SYDE1: variants seen among roughly 807,000 people sequenced by gnomAD.
The protein encoded by SYDE1 is rho GTPase-activating protein SYDE1.
A neutral mutation model predicts 63.3 loss-of-function variants in SYDE1; 34 were observed. That is an observed-to-expected ratio of 0.54 (90% CI 0.41 to 0.71). The LOEUF is 0.71. Among genes scored for constraint, SYDE1 ranks in the 30% least tolerant of loss-of-function variants. SYDE1 has a pLI of 0.00. For synonymous variants in SYDE1, 467 were observed against 473.4 expected (o/e 0.99, Z 0.18); for missense variants, 925 against 1,042.5 (o/e 0.89, Z 1.55).
intron 7 of SYDE1, among the ~76,000 whole-genome samples, 172 bp downstream of exon 7, chr19:15,112,743 C>T (rs2046353525): frequency 6.6e-6 from 1 of 152,140 alleles, no homozygotes; most frequent in African/African-American, 2.4e-5. Flanking sequence ...TCTGTTTTGT[C>T]TTTTTTTATT....
At position 15,111,344 on chromosome 19, in the gene SYDE1, C is replaced by T. The variant is rs780572269; in HGVS notation, c.1322C>T (p.Ala441Val). 1.7e-5 allele frequency: 27 copies of T among 1,613,996 alleles called. No homozygotes were observed. Among genetic ancestry groups the T allele is most frequent in the East Asian group, 6.7e-5 (3 of 44,888 alleles). Residue 441 changes from alanine to valine, a missense_variant, in exon 5 of 8, where the codon GCG (alanine) becomes GTG (valine). By Grantham distance (64) the Ala-to-Val change is moderately conservative. This residue lies in a region of SYDE1 where 599 missense variants were observed against 653.7 expected (regional missense o/e 0.92). Transcript: ENST00000342784. This position sits in a 1 kb window ranked among gnomAD's most constrained non-coding sequence, Gnocchi z 5.5. ...VVGLYRLCGS[A>V]AVKKELRDAF... is the part of the protein sequence containing the mutation. Reference sequence around the variant, plus strand: ...GGACTGTACCGTCTTTGTGGCTCAGCGGCAGTGAAGAAAGAGCTTCGGGAT... The same window carrying T: ...GGACTGTACCGTCTTTGTGGCTCAGTGGCAGTGAAGAAAGAGCTTCGGGAT...
chr19:15,110,436 G>A lies in SYDE1; in HGVS notation c.1076-85G>A, dbSNP rs1030111533. 2.1e-5 allele frequency: 31 copies of A among 1,482,566 alleles called. No individual in the cohort carries two copies. The highest frequency in any genetic ancestry group is 2.8e-5 in the African/African-American group (2 of 72,180). 91.8% of individuals were successfully genotyped at this position (1,482,566 alleles called of 1,614,324 possible). ...CAGAGTGCCTAGGGGGCTGGGCTCC[G>A]GGCGGAAGGTGTGGCCTGGAGCAGC... On this transcript the variant is annotated intron_variant, in intron 3 of 7. Coordinates refer to ENST00000342784, the MANE Select transcript of SYDE1 (RefSeq NM_033025.6). This position sits in a 1 kb window ranked among gnomAD's most constrained non-coding sequence, Gnocchi z 6.9.
chr19:15,107,451 C>T lies in SYDE1; in HGVS notation c.18C>T (p.Leu6=). Residue 6 remains leucine (L), a synonymous_variant, in exon 1 of 8, where the codon CTC becomes CTT. Transcript: ENST00000342784. MAEPL[L]RKTFSRLRGR... ...GCCGCAGCATGGCCGAGCCGCTACT[C>T]AGGAAAACCTTCTCCCGCCTGCGGG... 1 of 1,499,906 alleles carries T rather than the reference C, an allele frequency of 6.7e-7. No homozygotes were observed. The highest frequency in any genetic ancestry group is 1.8e-4 in the Middle Eastern group (1 of 5,546). The allele number at this position is 1,499,906 out of a possible 1,614,324, so 92.9% of individuals were successfully genotyped here. A position where few individuals can be genotyped will look rare whatever the true frequency, so the allele number is the denominator to read the frequency against.
At position 15,112,629 on chromosome 19, in the gene SYDE1, C is replaced by T. The variant is rs2046352918; in HGVS notation, c.1804+58C>T. 4 of 1,408,184 alleles carry T rather than the reference C, an allele frequency of 2.8e-6. 1 individual carries two copies. The highest frequency in any genetic ancestry group is 3.8e-6 in the Non-Finnish European group (4 of 1,042,460). The allele number at this position is 1,408,184 out of a possible 1,614,324, so 87.2% of individuals were successfully genotyped here. On this transcript the variant is annotated intron_variant, in intron 7 of 7. Transcript: ENST00000342784. ...CTGAGCCAGGCTGCTACAGTGATGC[C>T]ACCTTAAGGGACCAATCAGTGTCTT...
At position 15,111,488 on chromosome 19, in the gene SYDE1, CA is replaced by C. The variant is rs1403756007; in HGVS notation, c.1417+50del. On this transcript the variant is annotated intron_variant, in intron 5 of 7. Transcript: ENST00000342784. This position sits in a 1 kb window ranked among gnomAD's most constrained non-coding sequence, Gnocchi z 5.5. The stretch of plus-strand genomic sequence containing the variant: ...GCCTGCTCACCCCCATTCAATGCCT[CA>C]CTTCAAGGCCTTGGGGCTCCTCTGG... The C allele has an allele frequency of 1.9e-6, 3 of 1,606,500 alleles. No individual in the cohort carries two copies. The Admixed American group carries it at 5.0e-5, about 27-fold the overall frequency.
Position 15,109,997 on chromosome 19 carries a change from C to CCCCCATCA in SYDE1, c.728_735dup (p.Thr246HisfsTer98). On this transcript the variant is annotated frameshift_variant, in exon 3 of 8. Transcript: ENST00000342784. LOFTEE classifies it high-confidence loss of function. This position sits in a 1 kb window ranked among gnomAD's most constrained non-coding sequence, Gnocchi z 5.0. ...GGACTCACCGGAGCGCCCAGCTGGG[C>CCCCCATCA]CCCCATCACCCACCTCCTTCCGGCC... 1 of 1,494,366 alleles carries CCCCCATCA rather than the reference C, an allele frequency of 6.7e-7. No individual in the cohort carries two copies. The highest frequency in any genetic ancestry group is 8.8e-7 in the Non-Finnish European group (1 of 1,130,518). 92.6% of individuals were successfully genotyped at this position (1,494,366 alleles called of 1,614,324 possible).
rs1447137715 is a variant in SYDE1, at chr19:15,110,726, A to G, written c.1281A>G (p.Arg427=). 4 of 1,554,292 alleles carry G rather than the reference A, an allele frequency of 2.6e-6. No individual in the cohort carries two copies. The highest frequency in any genetic ancestry group is 3.5e-6 in the Non-Finnish European group (4 of 1,152,518). ...IQKCVGQIER[R]GLRVVGLYRL... ...AGTGCGTTGGGCAGATCGAGCGCCG[A>G]GGGCTGCGGGTGAGCACCCACCCCA... The change falls in exon 4 of 8, where the codon CGA becomes CGG. Residue 427 remains arginine, a synonymous_variant. Coordinates refer to ENST00000342784, the MANE Select transcript of SYDE1 (RefSeq NM_033025.6). The surrounding 1 kb of genome is among the most constrained non-coding windows in gnomAD (Gnocchi z 6.9).
chr19:15,110,167 G>T lies in SYDE1; in HGVS notation c.894G>T (p.Glu298Asp). The T allele has an allele frequency of 7.1e-7, 1 of 1,407,966 alleles. No homozygotes were observed. 87.2% of individuals were successfully genotyped at this position (1,407,966 alleles called of 1,614,324 possible). ...GCTGCCTACTGCAAGTGGATGGGGA[G>T]GCCAGGGCCCGAACAGGGCCACTGC... ...DLCCLLQVDG[E>D]ARARTGPLRG... Residue 298 changes from glutamate (E) to aspartate (D), a missense_variant, in exon 3 of 8, where the codon GAG becomes GAT. Glu to Asp is a conservative substitution (Grantham distance 45). Around this residue, in one of 3 missense-constraint regions of SYDE1, gnomAD observed 599 missense variants for 653.7 expected, o/e 0.92. Coordinates refer to ENST00000342784, the MANE Select transcript of SYDE1 (RefSeq NM_033025.6). This position sits in a 1 kb window ranked among gnomAD's most constrained non-coding sequence, Gnocchi z 6.9.
intron 7 of SYDE1, among the ~76,000 whole-genome samples, 153 bp from the exon 8 acceptor site, chr19:15,113,407 T>G (rs564454718): frequency 6.6e-6 from 1 of 152,240 alleles, no homozygotes; most frequent in Non-Finnish European, 1.5e-5. Flanking sequence ...ATCAGAGGCC[T>G]AGTTGCGTAA....
rs186864971 is a variant in SYDE1 at position 15,113,981 on chromosome 19, G to T, written c.*18G>T. The T allele has an allele frequency of 1.2e-6, 2 of 1,601,978 alleles. No individual in the cohort carries two copies. The highest frequency in any genetic ancestry group is 1.7e-5 in the Admixed American group (1 of 59,534). ...GCCTCTGAGCCAGATGACGGGGTGG[G>T]ACCCCGGTTAGTAAGGACCGGGCGC... On this transcript the variant is annotated 3_prime_UTR_variant, in exon 8 of 8. Coordinates refer to ENST00000342784, the MANE Select transcript of SYDE1 (RefSeq NM_033025.6).
chr19:15,109,342 T>G lies in SYDE1; in HGVS notation c.375T>G (p.Pro125=), dbSNP rs2046326465. 1 of 1,600,078 alleles carries G rather than the reference T, an allele frequency of 6.2e-7. No individual in the cohort carries two copies. The highest frequency in any genetic ancestry group is 8.5e-7 in the Non-Finnish European group (1 of 1,172,078). The change falls in exon 2 of 8, where the codon CCT becomes CCG. Residue 125 remains proline, a synonymous_variant. Coordinates refer to ENST00000342784, the MANE Select transcript of SYDE1 (RefSeq NM_033025.6). The surrounding 1 kb of genome is among the most constrained non-coding windows in gnomAD (Gnocchi z 5.0). Reference sequence around the variant, plus strand: ...AGGAAGACCCCAGACCTCCAGCACCTGAGCCCCCGGGGCCACAGCCTGGCT... The same window carrying G: ...AGGAAGACCCCAGACCTCCAGCACCGGAGCCCCCGGGGCCACAGCCTGGCT... ...IPEEDPRPPA[P]EPPGPQPGSA...
chr19:15,107,473 CG>C lies in SYDE1; in HGVS notation c.44del (p.Gly15AlafsTer82). On this transcript the variant is annotated frameshift_variant, in exon 1 of 8. Transcript: ENST00000342784. LOFTEE classifies it high-confidence loss of function. ...PLLRKTFSRLRGREKLPRKKS... is the reference protein window; with the variant it reads ...PLLRKTFSRLXGREKLPRKKS... The stretch of plus-strand genomic sequence containing the variant: ...ACTCAGGAAAACCTTCTCCCGCCTG[CG>C]GGGCCGGGAGAAACTTCCCCGGAAA... 1 of 1,535,832 alleles carries C rather than the reference CG, an allele frequency of 6.5e-7. No individual in the cohort carries two copies. Among genetic ancestry groups the C allele is most frequent in the Non-Finnish European group, 8.8e-7 (1 of 1,137,384 alleles).
Position 15,110,554 on chromosome 19 carries a change from A to G in SYDE1, c.1109A>G (p.Glu370Gly). ...GCCCAACAGCTGGCCGTGCGCCTGG[A>G]GCCTCAGGGGCTGCTGTATGCCAAG... ...CQAQQLAVRL[E>G]PQGLLYAKLT... The change falls in exon 4 of 8, where the codon GAG becomes GGG. Residue 370 changes from glutamate (E) to glycine (G), a missense_variant. Physicochemically the swap from Glu to Gly is moderately conservative, Grantham distance 98. Transcript: ENST00000342784. This position sits in a 1 kb window ranked among gnomAD's most constrained non-coding sequence, Gnocchi z 6.9. The G allele has an allele frequency of 6.3e-7, 1 of 1,596,206 alleles. No homozygotes were observed. Among genetic ancestry groups the G allele is most frequent in the Non-Finnish European group, 8.5e-7 (1 of 1,174,044 alleles).
chr19:15,109,885 C>T lies in SYDE1; in HGVS notation c.612C>T (p.Tyr204=). Residue 204 remains tyrosine, a synonymous_variant, in exon 3 of 8, where the codon TAC becomes TAT. Coordinates refer to ENST00000342784, the MANE Select transcript of SYDE1 (RefSeq NM_033025.6). The surrounding 1 kb of genome is among the most constrained non-coding windows in gnomAD (Gnocchi z 5.0). The part of the protein sequence containing the change: ...AAPAGSVISR[Y]HLDSSVGGPG... The stretch of plus-strand genomic sequence containing the variant: ...CTGCGGGCTCCGTCATCAGCCGCTA[C>T]CACCTGGACAGCAGCGTGGGGGGCC... 2 of 1,509,720 alleles carry T rather than the reference C, an allele frequency of 1.3e-6. No individual in the cohort carries two copies. Among genetic ancestry groups the T allele is most frequent in the Non-Finnish European group, 1.8e-6 (2 of 1,132,656 alleles). The allele number at this position is 1,509,720 out of a possible 1,614,324, so 93.5% of individuals were successfully genotyped here.
rs1230542289 is a variant in SYDE1, at chr19:15,108,982, C to A, written c.89-74C>A. On this transcript the variant is annotated intron_variant, in intron 1 of 7. Coordinates refer to ENST00000342784, the MANE Select transcript of SYDE1 (RefSeq NM_033025.6). The surrounding 1 kb of genome is among the most constrained non-coding windows in gnomAD (Gnocchi z 4.3). The stretch of plus-strand genomic sequence containing the variant: ...AGGGCCGTACACAGCATCCCACCCA[C>A]TGATCAATTGCACAGGGCTGCTCTG... The A allele has an allele frequency of 7.7e-6, 11 of 1,424,984 alleles. No individual in the cohort carries two copies. The highest frequency in any genetic ancestry group is 9.1e-6 in the Non-Finnish European group (10 of 1,094,176). 88.3% of individuals were successfully genotyped at this position (1,424,984 alleles called of 1,614,324 possible).
chr19:15,111,380 G>A lies in SYDE1; in HGVS notation c.1358G>A (p.Arg453Gln), dbSNP rs140575092. 4.1e-5 allele frequency: 66 copies of A among 1,614,104 alleles called. No individual in the cohort carries two copies. In the African/African-American group the frequency reaches 6.4e-4, roughly 16 times the overall value. Residue 453 changes from arginine to glutamine, a missense_variant, in exon 5 of 8, where the codon CGG becomes CAG. Around this residue, in one of 3 missense-constraint regions of SYDE1, gnomAD observed 599 missense variants for 653.7 expected, o/e 0.92. Coordinates refer to ENST00000342784, the MANE Select transcript of SYDE1 (RefSeq NM_033025.6). The surrounding 1 kb of genome is among the most constrained non-coding windows in gnomAD (Gnocchi z 5.5). ...VKKELRDAFERDSAAVCLSED... is the reference protein window; with the variant it reads ...VKKELRDAFEQDSAAVCLSED... ...AAAGAGCTTCGGGATGCCTTTGAGC[G>A]GGACAGTGCAGCGGTCTGCCTATCT...
rs2046346031 is a variant in SYDE1 at position 15,111,554 on chromosome 19, C to T, written c.1418-78C>T. 1 of 1,599,098 alleles carries T rather than the reference C, an allele frequency of 6.3e-7. No individual in the cohort carries two copies. The highest frequency in any genetic ancestry group is 8.5e-7 in the Non-Finnish European group (1 of 1,170,342). ...TATCTGACCTTGCTTTCACCCACCT[C>T]CTCTTCCCCCTTAGCTGTGCCCTCC... On this transcript the variant is annotated intron_variant, in intron 5 of 7. Coordinates refer to ENST00000342784, the MANE Select transcript of SYDE1 (RefSeq NM_033025.6). This position sits in a 1 kb window ranked among gnomAD's most constrained non-coding sequence, Gnocchi z 5.5.
At chr19:15,112,593 G>A in intron 7 of SYDE1, 22 bp downstream of exon 7, 3 of 1,528,612 alleles carry the variant, frequency 2.0e-6, no homozygotes, top group Non-Finnish European at 2.7e-6. Context: ...CCCAGGGCCT[G>A]CACCACCAAT....
In SYDE1 at chr19:15,113,738, C is replaced by CTTCCTGCCCTGTGGGCGGGAT. The variant is rs1223688951; in HGVS notation, c.1990_2010dup (p.Pro664_Leu670dup). 4.3e-6 allele frequency: 7 copies of CTTCCTGCCCTGTGGGCGGGAT among 1,613,652 alleles called. No homozygotes were observed. The highest frequency in any genetic ancestry group is 1.7e-5 in the Admixed American group (1 of 59,996). On this transcript the variant is annotated inframe_insertion, in exon 8 of 8. Coordinates refer to ENST00000342784, the MANE Select transcript of SYDE1 (RefSeq NM_033025.6). ...GCGACTGGAGCGTTTGCGGGCGGGA[C>CTTCCTGCCCTGTGGGCGGGAT]TTCCTGCCCTGTGGGCGGGATTTCC...
Sources: gnomAD v4.1 joint callset for allele counts (sites outside exome capture counted in the v4.1 genomes callset) on GRCh38, gnomAD v4.1.1 for gene constraint, gnomAD v4.1.1 regional missense constraint, Gnocchi (gnomAD v3.1) non-coding constraint, MANE v1.5 for transcripts, NCBI Gene and HGNC (gene_info 2026-07-23, HGNC 2026-07-21) for gene names.